GPAM: variants seen among roughly 807,000 people sequenced by gnomAD.
The protein encoded by GPAM is glycerol-3-phosphate acyltransferase 1, mitochondrial.
In GPAM, 56 loss-of-function variants were observed where a neutral mutation model predicts 105.0. The observed-to-expected ratio is 0.53, with a 90% confidence interval of 0.43 to 0.67. GPAM has a LOEUF of 0.67. GPAM is among the 30% of genes least tolerant of loss of function. The pLI, the probability that GPAM is intolerant of heterozygous loss-of-function variation, is 0.00. For synonymous variants in GPAM, 368 were observed against 354.4 expected (o/e 1.04, Z -0.43); for missense variants, 855 against 989.8 (o/e 0.86, Z 1.83).
chr10:112,193,448 G>A (rs1448385861), intron 1 of GPAM, among the ~76,000 whole-genome samples: 1 of 152,220 alleles, frequency 6.6e-6, no homozygotes, highest in Non-Finnish European at 1.5e-5. Flanking sequence ...AGGAGGCATT[G>A]TCCTAAGATC....
the GPAM span, among the ~76,000 whole-genome samples, chr10:112,220,728 A>T: frequency 6.6e-6 from 1 of 152,064 alleles, no homozygotes; most frequent in East Asian, 1.9e-4. Flanking sequence ...ATCCCAGAGA[A>T]GATTTGTGGA....
At chr10:112,191,935 C>A (rs77827683) in intron 1 of GPAM, among the ~76,000 whole-genome samples, 3,618 of 152,170 alleles carry the variant, frequency 0.024, 154 homozygotes, top group African/African-American at 0.084. Flanking sequence ...GACAGTCCAG[C>A]ACCTTAGAAA....
intron 14 of GPAM, 122 bp downstream of exon 14, chr10:112,163,579 A>G (rs1847161968): frequency 5.8e-6 from 4 of 692,070 alleles, no homozygotes; most frequent in Non-Finnish European, 8.0e-6. Flanking sequence ...TAACTTACCT[A>G]TCACCACCTG....
chr10:112,153,767 T>TA, intron 21 of GPAM, 101 bp from the exon 22 acceptor site: 1 of 1,360,630 alleles, frequency 7.3e-7, no homozygotes, highest in Admixed American at 2.1e-5. Flanking sequence ...CAGAAGGCAG[T>TA]AAAGGCACAA....
At position 112,152,709 on chromosome 10, in the gene GPAM, AG is replaced by A; in HGVS notation, c.*840del. 1.0e-6 allele frequency: 1 copy of A among 984,296 alleles called. No individual in the cohort carries two copies. The highest frequency in any genetic ancestry group is 1.2e-6 in the Non-Finnish European group (1 of 828,876). The allele number at this position is 984,296 out of a possible 1,614,324, so 61.0% of individuals were successfully genotyped here. A position where few individuals can be genotyped will look rare whatever the true frequency, so the allele number is the denominator to read the frequency against. On this transcript the variant is annotated 3_prime_UTR_variant, in exon 22 of 22. Transcript: ENST00000348367. ...ACCTGTGAGAGGCAGGTATTACCTG[AG>A]GGGTGGACGAGGTACAGACATAAAA...
intron 20 of GPAM, 129 bp from the exon 21 acceptor site, chr10:112,154,816 C>A: frequency 1.3e-6 from 1 of 759,322 alleles, no homozygotes. Flanking sequence ...AAGGGTGGGG[C>A]CCCACTTCCA....
chr10:112,210,592 T>A (rs548547024), intron 1 of GPAM, among the ~76,000 whole-genome samples: 136 of 152,340 alleles, frequency 8.9e-4, no homozygotes, highest in African/African-American at 3.2e-3. Flanking sequence ...CATATGCTTC[T>A]GGAGGTCAAG....
At chr10:112,185,468 T>A (rs1847581137), upstream of GPAM, among the ~76,000 whole-genome samples, 1 of 133,892 alleles carries the variant, frequency 7.5e-6, no homozygotes, top group African/African-American at 2.9e-5. Context: ...GCATGGGAAG[T>A]AGAGATGTGA....
At chr10:112,224,361 T>C in the GPAM span, among the ~76,000 whole-genome samples, 22 of 152,270 alleles carry the variant, frequency 1.4e-4, 1 homozygote, top group African/African-American at 5.3e-4. Flanking sequence ...TCCTGGAAAG[T>C]AGGGATGCAT....
intron 6 of GPAM, among the ~76,000 whole-genome samples, chr10:112,174,907 T>C (rs1158594096): frequency 6.6e-6 from 1 of 152,190 alleles, no homozygotes; most frequent in Admixed American, 6.5e-5. Flanking sequence ...AGTCTACAGA[T>C]GACACTTATG....
intron 1 of GPAM, among the ~76,000 whole-genome samples, chr10:112,208,084 T>C (rs538270319): frequency 6.6e-6 from 1 of 152,290 alleles, no homozygotes; most frequent in Non-Finnish European, 1.5e-5. Flanking sequence ...GGACCATGTC[T>C]CAAGTGTCAG....
the GPAM span, among the ~76,000 whole-genome samples, chr10:112,224,417 C>T: frequency 6.6e-6 from 1 of 152,126 alleles, no homozygotes; most frequent in African/African-American, 2.4e-5. Context: ...TCTCCACTGG[C>T]AGAAAATGAG....
chr10:112,157,734 G>A (rs987424036), intron 18 of GPAM, among the ~76,000 whole-genome samples: 1 of 152,220 alleles, frequency 6.6e-6, no homozygotes, highest in African/African-American at 2.4e-5. Flanking sequence ...AGATGTGCAA[G>A]CTGCAAGCAT....
intron 1 of GPAM, among the ~76,000 whole-genome samples, chr10:112,204,508 G>C (rs1416043615): frequency 6.6e-6 from 1 of 151,788 alleles, no homozygotes; most frequent in Admixed American, 6.6e-5. Context: ...TGGTTGGGGA[G>C]AGAAGTTTAT....
At chr10:112,206,997 C>G (rs1847859147) in intron 1 of GPAM, among the ~76,000 whole-genome samples, 1 of 152,180 alleles carries the variant, frequency 6.6e-6, no homozygotes, top group Admixed American at 6.5e-5. Flanking sequence ...AATACAGTGC[C>G]TAGCACAGAG....
At chr10:112,219,664 C>T (rs142772118), upstream of GPAM, among the ~76,000 whole-genome samples, 185 of 152,250 alleles carry the variant, frequency 1.2e-3, 5 homozygotes, top group East Asian at 0.028. Flanking sequence ...TTCCCTCCTG[C>T]GATTATTCTA....
rs752290936 is a variant in GPAM at position 112,168,877 on chromosome 10, A to G, written c.870T>C (p.Val290=). ...LDETPDGRKD[V]LYRALLHGHI... Reference sequence around the variant, plus strand: ...CCCCATGGAGCAAAGCTCTATAGAGAACATCTTTCCGTCCATCTGGTGTTT... The same window carrying G: ...CCCCATGGAGCAAAGCTCTATAGAGGACATCTTTCCGTCCATCTGGTGTTT... Residue 290 remains valine (V), a synonymous_variant, in exon 10 of 22, where the codon GTT becomes GTC. Transcript: ENST00000348367. 6.2e-7 allele frequency: 1 copy of G among 1,608,134 alleles called. No individual in the cohort carries two copies.
At position 112,173,775 on chromosome 10, in the gene GPAM, C is replaced by T. The variant is rs772184988; in HGVS notation, c.484G>A (p.Ala162Thr). 1.2e-6 allele frequency: 2 copies of T among 1,613,514 alleles called. 1 individual carries two copies. Among genetic ancestry groups the T allele is most frequent in the South Asian group, 2.2e-5 (2 of 91,062 alleles). ...GCTTTCTTTTTCACTTTGTTAACGG[C>T]TTTTGATTGCTGCTGGGCAGAACCA... The part of the protein sequence containing the change: ...PDGSAQQQSK[A>T]VNKVKKKAKR... Residue 162 changes from alanine to threonine, a missense_variant, in exon 7 of 22, where the codon GCC becomes ACC. Coordinates refer to ENST00000348367, the MANE Select transcript of GPAM (RefSeq NM_001244949.2).
chr10:112,169,184 T>C (rs998044373), intron 9 of GPAM, among the ~76,000 whole-genome samples: 8 of 152,204 alleles, frequency 5.3e-5, no homozygotes, highest in East Asian at 1.9e-4. Flanking sequence ...GCCTCTATTA[T>C]ATCTGTTCCA....
Sources: allele counts gnomAD v4.1 joint callset (sites outside exome capture counted in the v4.1 genomes callset), GRCh38; gene constraint gnomAD v4.1.1; transcripts MANE v1.5; gene names NCBI Gene and HGNC (gene_info 2026-07-23, HGNC 2026-07-21).